The following SCAP variants were observed in gnomAD, a reference collection of about 807,000 sequenced individuals.
SCAP encodes sterol regulatory element-binding protein cleavage-activating protein.
Under a neutral mutation model 123.6 loss-of-function variants are expected in SCAP, and 65 were observed. That is an observed-to-expected ratio of 0.53 (90% CI 0.43 to 0.65). SCAP has a LOEUF of 0.65. Ranked by LOEUF, SCAP falls within the 30% of genes least tolerant of loss-of-function variation. The pLI is 0.00. For missense variants in SCAP, 1,398 were observed against 1,712.5 expected (o/e 0.82, Z 3.24); for synonymous variants, 740 against 726.3 (o/e 1.02, Z -0.30).
chr3:47,436,103 A>C (rs552556049), intron 2 of SCAP, among the ~76,000 whole-genome samples: 16 of 152,286 alleles, frequency 1.1e-4, no homozygotes, highest in African/African-American at 2.2e-4. Context: ...AACAAACAAA[A>C]AAAAATCACC....
chr3:47,467,889 C>T lies in SCAP; in HGVS notation c.-99+7910G>A, dbSNP rs375611473. ...ATCCCTCCCCCCTCCCCCCATCCCC[C>T]GGCAGGCCCTGGTGAGTGATGTTCC... On this transcript the variant is annotated intron_variant, in intron 1 of 22. Coordinates refer to ENST00000265565, the MANE Select transcript of SCAP (RefSeq NM_012235.4). Among the ~76,000 whole-genome samples the T allele has an allele frequency of 1.7e-4, 25 of 150,600 alleles. No homozygotes were observed. In the East Asian group the frequency reaches 4.5e-3, roughly 27 times the overall value.
chr3:47,449,523 C>T lies in SCAP; in HGVS notation c.-98-6432G>A, dbSNP rs1707170707. ...AATGTCACTGCTGTCTCCACCACTA[C>T]ACAATTACGTGGAGGGCCAGAGCAA... On this transcript the variant is annotated intron_variant, in intron 1 of 22. Coordinates refer to ENST00000265565, the MANE Select transcript of SCAP (RefSeq NM_012235.4). Among the ~76,000 whole-genome samples the T allele has an allele frequency of 3.2e-5, 4 of 124,388 alleles. 2 individuals carry two copies. Among genetic ancestry groups the T allele is most frequent in the Admixed American group, 1.8e-4 (2 of 11,172 alleles). 81.6% of individuals were successfully genotyped at this position (124,388 alleles called of 152,430 possible).
Position 47,414,177 on chromosome 3 carries a change from T to TA in SCAP, c.3594+2dup. 1 of 1,613,668 alleles carries TA rather than the reference T, an allele frequency of 6.2e-7. No homozygotes were observed. Among genetic ancestry groups the TA allele is most frequent in the Non-Finnish European group, 8.5e-7 (1 of 1,179,998 alleles). On this transcript the variant is annotated splice_region_variant and intron_variant, in intron 22 of 22. Transcript: ENST00000265565. ...AGAATCCTATGATCCCCATCCCCTCTACCTGCTGAATGGAGTAGAACTTGA... is the reference window on the plus strand; with the variant it reads ...AGAATCCTATGATCCCCATCCCCTCTAACCTGCTGAATGGAGTAGAACTTGA...
Position 47,428,634 on chromosome 3 carries a change from ATATCT to A in SCAP, c.284_288del (p.Gln95LeufsTer62). The A allele has an allele frequency of 3.1e-6, 5 of 1,614,120 alleles. No homozygotes were observed. Among genetic ancestry groups the A allele is most frequent in the Non-Finnish European group, 4.2e-6 (5 of 1,180,026 alleles). The stretch of plus-strand genomic sequence containing the variant: ...CAGGGAAACACTGAGGACTTCACAA[ATATCT>A]GCTGGACATAAGCCACCGGGGCACC... On this transcript the variant is annotated frameshift_variant, in exon 4 of 23. Transcript: ENST00000265565. LOFTEE classifies it high-confidence loss of function.
At chr3:47,416,140 G>A (rs1182568742) in intron 18 of SCAP, among the ~76,000 whole-genome samples, 1 of 152,228 alleles carries the variant, frequency 6.6e-6, no homozygotes, top group African/African-American at 2.4e-5. Flanking sequence ...TAGGTCAGAT[G>A]GTGCTGCCAC....
At chr3:47,464,555 A>G (rs1041407519) in intron 1 of SCAP, among the ~76,000 whole-genome samples, 12 of 152,188 alleles carry the variant, frequency 7.9e-5, no homozygotes, top group African/African-American at 2.4e-4. Context: ...AAAATTCAAG[A>G]TAACTTTTTG....
At chr3:47,475,693 C>G (rs1708243370) in intron 1 of SCAP, 106 bp downstream of exon 1, 1 of 152,990 alleles carries the variant, frequency 6.5e-6, no homozygotes, top group Non-Finnish European at 1.5e-5. Context: ...GCCATGCCCA[C>G]GCACCCCCGA....
At chr3:47,433,778 G>A (rs1355435261) in intron 3 of SCAP, among the ~76,000 whole-genome samples, 1 of 152,142 alleles carries the variant, frequency 6.6e-6, no homozygotes, top group African/African-American at 2.4e-5. Context: ...TGAGGCAGGA[G>A]AATCGCTTTC....
intron 1 of SCAP, among the ~76,000 whole-genome samples, chr3:47,467,947 C>T (rs1443786008): frequency 6.7e-6 from 1 of 150,058 alleles, no homozygotes; most frequent in African/African-American, 2.4e-5. Flanking sequence ...TCAATTCCCA[C>T]CTATGAGTGA....
intron 18 of SCAP, 103 bp downstream of exon 18, chr3:47,417,019 A>G: frequency 1.0e-6 from 1 of 996,726 alleles, no homozygotes; most frequent in Admixed American, 2.2e-5. Flanking sequence ...CAATCGAATC[A>G]TACAGTACAG....
At chr3:47,427,357 G>C in intron 5 of SCAP, 90 bp downstream of exon 5, 1 of 1,553,808 alleles carries the variant, frequency 6.4e-7, no homozygotes, top group African/African-American at 1.4e-5. Flanking sequence ...GGAAACAAAG[G>C]GTAAACCCTG....
chr3:47,467,982 T>C (rs1326636628), intron 1 of SCAP, among the ~76,000 whole-genome samples: 2 of 151,960 alleles, frequency 1.3e-5, no homozygotes, highest in Non-Finnish European at 2.9e-5. Context: ...TGGTTTTCTG[T>C]CCTTGCGATA....
chr3:47,428,397 C>G (rs1426603292), intron 4 of SCAP, 116 bp downstream of exon 4: 1 of 1,114,266 alleles, frequency 9.0e-7, no homozygotes, highest in African/African-American at 1.6e-5. Context: ...CTCCATCCTT[C>G]TTGCTTGTTC....
At position 47,427,558 on chromosome 3, in the gene SCAP, G is replaced by A; in HGVS notation, c.520C>T (p.Pro174Ser). The A allele has an allele frequency of 6.2e-7, 1 of 1,614,186 alleles. No homozygotes were observed. Among genetic ancestry groups the A allele is most frequent in the Non-Finnish European group, 8.5e-7 (1 of 1,180,032 alleles). ...CAGTCATTCTGCCAGAAGTTCCCAG[G>A]GGACAGCAGCAGGCATCCATGCTCA... Reference protein sequence around the residue: ...LPEHGCLLLSPGNFWQNDWER... With the variant: ...LPEHGCLLLSSGNFWQNDWER... Residue 174 changes from proline (P) to serine (S), a missense_variant, in exon 5 of 23, where the codon CCT (proline) becomes TCT (serine). Pro to Ser is a moderately conservative substitution (Grantham distance 74). Around this residue, in one of 7 missense-constraint regions of SCAP, gnomAD observed 319 missense variants for 432.4 expected, o/e 0.74. Coordinates refer to ENST00000265565, the MANE Select transcript of SCAP (RefSeq NM_012235.4).
intron 3 of SCAP, among the ~76,000 whole-genome samples, chr3:47,429,740 TTG>T (rs1559549309): frequency 1.3e-5 from 2 of 152,216 alleles, no homozygotes; most frequent in East Asian, 3.8e-4. Flanking sequence ...ACCATTACTA[TTG>T]TCTATGGCTG....
In SCAP at chr3:47,413,825, C is replaced by A; in HGVS notation, c.*29G>T. 1.2e-6 allele frequency: 2 copies of A among 1,602,622 alleles called. No homozygotes were observed. The highest frequency in any genetic ancestry group is 1.1e-5 in the South Asian group (1 of 90,108). ...CATTGGCCCCCACACAGCACCCCAG[C>A]CTCCTGCCTGGGCAAGGAGGCCCTG... On this transcript the variant is annotated 3_prime_UTR_variant, in exon 23 of 23. Coordinates refer to ENST00000265565, the MANE Select transcript of SCAP (RefSeq NM_012235.4).
At chr3:47,414,132 A>G (rs564017528) in intron 22 of SCAP, 33 bp from the exon 23 acceptor site, 4 of 1,613,522 alleles carry the variant, frequency 2.5e-6, no homozygotes, top group Non-Finnish European at 3.4e-6. Flanking sequence ...CTCAGTCCTG[A>G]GTCCTTCCCT....
intron 1 of SCAP, among the ~76,000 whole-genome samples, chr3:47,449,049 A>G (rs965799518): frequency 9.9e-5 from 15 of 152,206 alleles, no homozygotes; most frequent in Admixed American, 6.5e-4. Flanking sequence ...TGTGGTACCA[A>G]TATGATATCA....
intron 1 of SCAP, among the ~76,000 whole-genome samples, chr3:47,464,071 A>G (rs551551586): frequency 1.3e-5 from 2 of 152,274 alleles, no homozygotes; most frequent in Non-Finnish European, 2.9e-5. Flanking sequence ...GCTGGAGTAC[A>G]GTGGCATGAT....
Sources: gnomAD v4.1 joint callset for allele counts (sites outside exome capture counted in the v4.1 genomes callset) on GRCh38, gnomAD v4.1.1 for gene constraint, gnomAD v4.1.1 regional missense constraint, MANE v1.5 for transcripts, NCBI Gene and HGNC (gene_info 2026-07-23, HGNC 2026-07-21) for gene names.